Variants in AFG2A observed in about 807,000 individuals in gnomAD.
The protein encoded by AFG2A is ATPase family gene 2 protein homolog A.
chr4:122,933,429 C>T, the AFG2A span: 1 of 1,610,152 alleles, frequency 6.2e-7, no homozygotes. Context: ...CCCTTCTTAT[C>T]CTTTTACAGT....
the AFG2A span, among the ~76,000 whole-genome samples, chr4:123,007,650 C>CAT: frequency 0.088 from 4,278 of 48,654 alleles, 367 homozygotes; most frequent in African/African-American, 0.17. Flanking sequence ...ACAACACACA[C>CAT]ACACACACAC....
At chr4:123,016,280 C>A in the AFG2A span, among the ~76,000 whole-genome samples, 1 of 151,306 alleles carries the variant, frequency 6.6e-6, no homozygotes, top group African/African-American at 2.4e-5. Flanking sequence ...CACCTCCCTC[C>A]CGGATGGGGT....
chr4:122,979,239 T>G, the AFG2A span: 1 of 1,613,998 alleles, frequency 6.2e-7, no homozygotes, highest in Admixed American at 1.7e-5. Context: ...TAGGTCTCTG[T>G]GCCTTGCGGA....
the AFG2A span, among the ~76,000 whole-genome samples, chr4:123,185,975 T>C: frequency 1.3e-5 from 2 of 152,196 alleles, no homozygotes; most frequent in South Asian, 2.1e-4. Flanking sequence ...AAGGGGACTT[T>C]TGTTAGGTCA....
the AFG2A span, among the ~76,000 whole-genome samples, chr4:123,019,410 T>A: frequency 6.6e-6 from 1 of 152,166 alleles, no homozygotes; most frequent in East Asian, 1.9e-4. Context: ...CACACATGTG[T>A]GTTTGCATTT....
the AFG2A span, among the ~76,000 whole-genome samples, chr4:123,024,246 C>G: frequency 3.5e-3 from 428 of 123,954 alleles, 2 homozygotes; most frequent in African/African-American, 0.011. Context: ...AAAAAAGAAA[C>G]AAAAGAAAAA....
At chr4:122,977,021 T>G in the AFG2A span, among the ~76,000 whole-genome samples, 1 of 152,224 alleles carries the variant, frequency 6.6e-6, no homozygotes, top group Non-Finnish European at 1.5e-5. Flanking sequence ...TTCACATTCT[T>G]CCACCTCTCT....
the AFG2A span, among the ~76,000 whole-genome samples, chr4:123,133,416 G>A: frequency 6.6e-6 from 1 of 152,116 alleles, no homozygotes; most frequent in East Asian, 1.9e-4. Context: ...AGTTTAGAAC[G>A]TTGTGGTTAC....
At chr4:123,310,988 T>C in the AFG2A span, among the ~76,000 whole-genome samples, 1 of 152,188 alleles carries the variant, frequency 6.6e-6, no homozygotes, top group Non-Finnish European at 1.5e-5. Flanking sequence ...CACGTTCATA[T>C]TGAGGTCCTT....
chr4:123,112,284 A>G, the AFG2A span, among the ~76,000 whole-genome samples: 2 of 152,188 alleles, frequency 1.3e-5, no homozygotes, highest in Non-Finnish European at 2.9e-5. Flanking sequence ...CCTCATAAAG[A>G]CAAATAAGGA....
At chr4:123,029,779 A>T in the AFG2A span, among the ~76,000 whole-genome samples, 2 of 152,158 alleles carry the variant, frequency 1.3e-5, no homozygotes, top group Non-Finnish European at 2.9e-5. Flanking sequence ...CTAGGACTAC[A>T]GGTGTGAGCC....
At chr4:123,234,357 T>A in the AFG2A span, among the ~76,000 whole-genome samples, 1 of 152,136 alleles carries the variant, frequency 6.6e-6, no homozygotes, top group African/African-American at 2.4e-5. Flanking sequence ...TTTTGTAAAT[T>A]GACTATAAGA....
the AFG2A span, among the ~76,000 whole-genome samples, chr4:122,967,794 C>G: frequency 3.3e-4 from 50 of 152,152 alleles, no homozygotes; most frequent in Admixed American, 7.2e-4. Flanking sequence ...TGAGTCACTG[C>G]ATTCAGCCCC....
the AFG2A span, among the ~76,000 whole-genome samples, chr4:123,106,877 G>T: frequency 6.6e-6 from 1 of 152,250 alleles, no homozygotes; most frequent in Non-Finnish European, 1.5e-5. Flanking sequence ...GCGTGGAGCG[G>T]TGAGGGTTGT....
At chr4:122,948,385 T>TAC in the AFG2A span, among the ~76,000 whole-genome samples, 176 of 80,264 alleles carry the variant, frequency 2.2e-3, 2 homozygotes, top group African/African-American at 6.7e-3. Context: ...TTCTCCAGAG[T>TAC]ATACACACAC....
chr4:123,168,596 T>TGTTA, the AFG2A span, among the ~76,000 whole-genome samples: 1 of 152,148 alleles, frequency 6.6e-6, no homozygotes, highest in Non-Finnish European at 1.5e-5. Context: ...GATAAAAAAT[T>TGTTA]GTTAATTGGA....
chr4:122,998,405 C>T, the AFG2A span, among the ~76,000 whole-genome samples: 798 of 152,040 alleles, frequency 5.2e-3, 7 homozygotes, highest in African/African-American at 0.018. Flanking sequence ...TGGTGTGCTG[C>T]ACCCATTAAC....
At chr4:123,223,228 A>G in the AFG2A span, among the ~76,000 whole-genome samples, 3 of 152,116 alleles carry the variant, frequency 2.0e-5, no homozygotes, top group Non-Finnish European at 2.9e-5. Context: ...GATTATAGCC[A>G]TGCTGACAGG....
At chr4:122,964,210 A>C in the AFG2A span, among the ~76,000 whole-genome samples, 2 of 152,210 alleles carry the variant, frequency 1.3e-5, no homozygotes, top group Non-Finnish European at 2.9e-5. Flanking sequence ...AGGTTGGTGC[A>C]AAAGTAATTG....
Sources: allele counts gnomAD v4.1 joint callset (sites outside exome capture counted in the v4.1 genomes callset), GRCh38; gene constraint gnomAD v4.1.1; transcripts MANE v1.5; gene names NCBI Gene and HGNC (gene_info 2026-07-23, HGNC 2026-07-21).